The following ZGRF1 variants were observed in gnomAD, a reference collection of about 807,000 sequenced individuals.
ZGRF1 encodes 5'-3' DNA helicase ZGRF1.
A neutral mutation model predicts 203.5 loss-of-function variants in ZGRF1; 196 were observed. The ratio of observed to expected loss-of-function variants is 0.96; its 90% CI spans 0.86 to 1.08. The LOEUF (loss-of-function observed/expected upper bound fraction) is 1.08. Among genes scored for constraint, ZGRF1 ranks in the 50% least tolerant of loss-of-function variants. The pLI is 0.00. For synonymous variants in ZGRF1, 809 were observed against 841.3 expected (o/e 0.96, Z 0.66); for missense variants, 2,326 against 2,416.3 (o/e 0.96, Z 0.78).
Position 112,539,853 on chromosome 4 carries a change from T to G in ZGRF1, c.6172+10A>C, listed in dbSNP as rs766570015. 5 of 1,612,428 alleles carry G rather than the reference T, an allele frequency of 3.1e-6. No homozygotes were observed. The East Asian group carries it at 1.1e-4, about 36-fold the overall frequency. ...TTGAAATGCATGAATTAAACCCATTTTTATTTTACCTTCGCAGTGTTGGAT... is the reference window on the plus strand; with the variant it reads ...TTGAAATGCATGAATTAAACCCATTGTTATTTTACCTTCGCAGTGTTGGAT... On this transcript the variant is annotated intron_variant, in intron 27 of 27. Transcript: ENST00000505019.
intron 19 of ZGRF1, among the ~76,000 whole-genome samples, 152 bp downstream of exon 19, chr4:112,560,581 C>G (rs1314056379): frequency 6.6e-6 from 1 of 152,198 alleles, no homozygotes; most frequent in East Asian, 1.9e-4. Flanking sequence ...CTGTTCTCAT[C>G]TAACAGTTTA....
chr4:112,603,587 A>T lies in ZGRF1; in HGVS notation c.2913T>A (p.Tyr971Ter). The T allele has an allele frequency of 3.7e-6, 6 of 1,613,926 alleles. No homozygotes were observed. The highest frequency in any genetic ancestry group is 5.1e-6 in the Non-Finnish European group (6 of 1,179,816). ...CTGGTGTCTCTGTCATAAAGTTTTC[A>T]TACTCAGTGCTATCTGGAAACTGAC... Reference protein sequence around the residue: ...GCSQFPDSTEYENFMTETPEL... With the variant: ...GCSQFPDSTE The change falls in exon 10 of 28, where the codon TAT (tyrosine) becomes TAA (stop). Residue 971 changes from tyrosine to a stop codon, truncating the protein, a stop_gained. Transcript: ENST00000505019. LOFTEE classifies it high-confidence loss of function.
intron 16 of ZGRF1, among the ~76,000 whole-genome samples, chr4:112,573,416 G>A (rs1351237325): frequency 2.0e-5 from 3 of 152,042 alleles, no homozygotes; most frequent in Admixed American, 6.6e-5. Context: ...GGGTAAGGGG[G>A]GCAGTGAAGG....
At chr4:112,628,752 G>C in intron 3 of ZGRF1, 1 of 447,860 alleles carries the variant, frequency 2.2e-6, no homozygotes. Flanking sequence ...AATAGCACTA[G>C]CATGACCATA....
chr4:112,550,768 G>A (rs1171464436), intron 22 of ZGRF1, among the ~76,000 whole-genome samples: 3 of 152,122 alleles, frequency 2.0e-5, no homozygotes, highest in Non-Finnish European at 4.4e-5. Flanking sequence ...CAGAAGAATC[G>A]CTTGAACCCA....
Position 112,587,625 on chromosome 4 carries a change from G to C in ZGRF1, c.3432C>G (p.Ser1144Arg). 1 of 1,613,812 alleles carries C rather than the reference G, an allele frequency of 6.2e-7. No individual in the cohort carries two copies. The highest frequency in any genetic ancestry group is 8.5e-7 in the Non-Finnish European group (1 of 1,179,794). ...DVSLNNISTQ[S>R]KWLKYQNTSQ... Reference sequence around the variant, plus strand: ...ATGTGTTTTGATATTTCAGCCACTTGCTCTGAGTAGATATATTATTAAGTG... The same window carrying C: ...ATGTGTTTTGATATTTCAGCCACTTCCTCTGAGTAGATATATTATTAAGTG... The change falls in exon 12 of 28, where the codon AGC becomes AGG. Residue 1144 changes from serine (S) to arginine (R), a missense_variant. Physicochemically the swap from Ser to Arg is moderately radical, Grantham distance 110. Transcript: ENST00000505019.
intron 8 of ZGRF1, among the ~76,000 whole-genome samples, chr4:112,607,103 A>G (rs1370640787): frequency 6.6e-6 from 1 of 152,016 alleles, no homozygotes; most frequent in Non-Finnish European, 1.5e-5. Context: ...AAAATATTCA[A>G]CCTATATTTT....
chr4:112,580,441 C>T (rs2148988308), intron 16 of ZGRF1, among the ~76,000 whole-genome samples: 1 of 149,184 alleles, frequency 6.7e-6, no homozygotes, highest in East Asian at 2.0e-4. Context: ...TCTAATTAAA[C>T]TAAAGAGCTT....
At chr4:112,545,607 T>C (rs1257067927) in intron 24 of ZGRF1, among the ~76,000 whole-genome samples, 1 of 152,212 alleles carries the variant, frequency 6.6e-6, no homozygotes, top group Admixed American at 6.5e-5. Context: ...AATTATCATA[T>C]GACTCAACAA....
chr4:112,621,655 A>ATC (rs2047064033), intron 4 of ZGRF1, among the ~76,000 whole-genome samples: 1 of 147,912 alleles, frequency 6.8e-6, no homozygotes, highest in Non-Finnish European at 1.5e-5. Context: ...CTCCATCTCA[A>ATC]AAAAAAAAAA....
intron 7 of ZGRF1, among the ~76,000 whole-genome samples, chr4:112,612,231 G>A (rs1323372727): frequency 6.6e-6 from 1 of 152,192 alleles, no homozygotes; most frequent in Non-Finnish European, 1.5e-5. Context: ...CTCCCAAAGT[G>A]CTGGGATTAC....
At position 112,553,939 on chromosome 4, in the gene ZGRF1, G is replaced by C. The variant is rs1740453934; in HGVS notation, c.5242C>G (p.Leu1748Val). The C allele has an allele frequency of 1.9e-6, 3 of 1,612,710 alleles. No homozygotes were observed. The highest frequency in any genetic ancestry group is 1.3e-5 in the African/African-American group (1 of 74,974). The change falls in exon 22 of 28, where the codon CTA becomes GTA. Residue 1748 changes from leucine (L) to valine (V), a missense_variant. Physicochemically the swap from Leu to Val is conservative, Grantham distance 32 (BLOSUM62 1). Transcript: ENST00000505019. The stretch of plus-strand genomic sequence containing the variant: ...AGGTCTTCTTTCATTAGTGCATGTA[G>C]TTCTTTTAACTGTTCACTTTCATTT... Reference protein sequence around the residue: ...SENESEQLKELHALMKEDLTP... With the variant: ...SENESEQLKEVHALMKEDLTP...
At chr4:112,565,689 C>T (rs529383858) in intron 16 of ZGRF1, among the ~76,000 whole-genome samples, 1 of 152,222 alleles carries the variant, frequency 6.6e-6, no homozygotes, top group East Asian at 1.9e-4. Context: ...GGGCGAAGGA[C>T]ATGAACAGAT....
intron 16 of ZGRF1, among the ~76,000 whole-genome samples, chr4:112,565,762 G>A (rs959759073): frequency 2.0e-5 from 3 of 152,110 alleles, no homozygotes; most frequent in Admixed American, 6.5e-5. Context: ...ACCATCACTG[G>A]CCATCAGAGA....
At position 112,612,562 on chromosome 4, in the gene ZGRF1, A is replaced by G. The variant is rs1213954527; in HGVS notation, c.2629T>C (p.Ser877Pro). 6.2e-7 allele frequency: 1 copy of G among 1,607,388 alleles called. No individual in the cohort carries two copies. The highest frequency in any genetic ancestry group is 1.7e-5 in the Admixed American group (1 of 59,912). The change falls in exon 7 of 28, where the codon TCA becomes CCA. Residue 877 changes from serine (S) to proline (P), a missense_variant. Ser to Pro is a moderately conservative substitution (Grantham distance 74, BLOSUM62 -1). Transcript: ENST00000505019. The part of the protein sequence containing the change: ...EVRKPFITVV[S>P]PKSPHLHKDS... ...TTGTGCAGATGAGGAGACTTTGGTG[A>G]AACTACTGTAATAAATGGTTTCCTC...
At chr4:112,623,669 T>A in intron 4 of ZGRF1, 148 bp downstream of exon 4, 1 of 566,096 alleles carries the variant, frequency 1.8e-6, no homozygotes. Flanking sequence ...AAACAATATC[T>A]AAAAGGTTTT....
chr4:112,589,915 CTGATT>C, intron 10 of ZGRF1, 41 bp from the exon 11 acceptor site: 1 of 1,463,722 alleles, frequency 6.8e-7, no homozygotes, highest in Non-Finnish European at 9.1e-7. Flanking sequence ...CCAAAATCTT[CTGATT>C]TTTTTCTTTA....
chr4:112,557,403 G>C (rs1560754163), intron 20 of ZGRF1, among the ~76,000 whole-genome samples: 2 of 152,164 alleles, frequency 1.3e-5, no homozygotes, highest in Non-Finnish European at 2.9e-5. Flanking sequence ...TTGAACTTCT[G>C]ACATCAAGTG....
Position 112,606,023 on chromosome 4 carries a change from T to C in ZGRF1, c.2787A>G (p.Lys929=). The C allele has an allele frequency of 6.3e-7, 1 of 1,599,430 alleles. No homozygotes were observed. The change falls in exon 9 of 28, where the codon AAA becomes AAG. Residue 929 remains lysine, a synonymous_variant. Coordinates refer to ENST00000505019, the MANE Select transcript of ZGRF1 (RefSeq NM_018392.5). ...QAVIPKQIER[K]TCDPKPVEFQ... is the part of the protein sequence containing the mutation. The stretch of plus-strand genomic sequence containing the variant: ...CAAATTTTACCTTAGGGTCACAGGT[T>C]TTTCTCTCTATTTGTTTAGGAATAA...
Sources: allele counts gnomAD v4.1 joint callset (sites outside exome capture counted in the v4.1 genomes callset), GRCh38; gene constraint gnomAD v4.1.1; transcripts MANE v1.5; gene names NCBI Gene and HGNC (gene_info 2026-07-23, HGNC 2026-07-21).